The following TENM4 variants were observed in gnomAD, a reference collection of about 807,000 sequenced individuals.
The protein encoded by TENM4 is teneurin-4.
In TENM4, 82 loss-of-function variants were observed where a neutral mutation model predicts 243.3. That is an observed-to-expected ratio of 0.34 (90% confidence interval 0.28 to 0.40). The LOEUF (loss-of-function observed/expected upper bound fraction) is 0.40. Among genes scored for constraint, TENM4 ranks in the 10% least tolerant of loss-of-function variants. The probability of loss-of-function intolerance (pLI) is 1.00; values close to 1 mark genes in which losing one functional copy is unlikely to be tolerated. For synonymous variants in TENM4, 1,412 were observed against 1,456.3 expected (o/e 0.97, Z 0.69); for missense variants, 3,138 against 3,673.3 (o/e 0.85, Z 3.77).
At chr11:78,944,087 A>T (rs1181253752) in intron 6 of TENM4, among the ~76,000 whole-genome samples, 2 of 152,164 alleles carry the variant, frequency 1.3e-5, no homozygotes, top group Non-Finnish European at 2.9e-5. Context: ...TTCCTTAGAG[A>T]TAAGCAAAGT....
chr11:79,091,177 C>G (rs1860939741), intron 4 of TENM4, among the ~76,000 whole-genome samples: 1 of 152,206 alleles, frequency 6.6e-6, no homozygotes, highest in Non-Finnish European at 1.5e-5. Context: ...GCAATCAGAT[C>G]TTTGTCTAAA....
At chr11:78,844,837 A>G (rs1858353853) in intron 12 of TENM4, among the ~76,000 whole-genome samples, 1 of 152,192 alleles carries the variant, frequency 6.6e-6, no homozygotes, top group South Asian at 2.1e-4. Flanking sequence ...ATAAATTTCT[A>G]TTTTAAACCA....
intron 12 of TENM4, 32 bp downstream of exon 12, chr11:78,854,072 C>A: frequency 1.3e-6 from 2 of 1,535,566 alleles, no homozygotes; most frequent in Non-Finnish European, 1.8e-6. Context: ...GAGACAATAT[C>A]CCACAGCCCC....
At chr11:78,791,955 A>G (rs78119912) in intron 15 of TENM4, among the ~76,000 whole-genome samples, 3,256 of 152,300 alleles carry the variant, frequency 0.021, 110 homozygotes, top group African/African-American at 0.074. Flanking sequence ...TACACAAGCC[A>G]TAGAGGAGAC....
intron 25 of TENM4, among the ~76,000 whole-genome samples, chr11:78,715,237 C>T (rs1231518044): frequency 6.6e-6 from 1 of 152,222 alleles, no homozygotes; most frequent in Non-Finnish European, 1.5e-5. Context: ...ATTCTGGCTA[C>T]ATAAAAGGCG....
chr11:79,410,782 T>C (rs1019589536), intron 1 of TENM4, among the ~76,000 whole-genome samples: 2 of 152,200 alleles, frequency 1.3e-5, no homozygotes, highest in African/African-American at 4.8e-5. Flanking sequence ...GCCTGGTACG[T>C]GGTAGGCATT....
At chr11:78,811,940 C>T (rs907588554) in intron 14 of TENM4, among the ~76,000 whole-genome samples, 182 bp downstream of exon 14, 2 of 152,204 alleles carry the variant, frequency 1.3e-5, no homozygotes, top group Non-Finnish European at 2.9e-5. Flanking sequence ...ACCAGGACTC[C>T]GATGTGTTTG....
chr11:79,353,960 A>C (rs1177395300), intron 1 of TENM4, among the ~76,000 whole-genome samples: 2 of 152,186 alleles, frequency 1.3e-5, no homozygotes, highest in African/African-American at 4.8e-5. Context: ...CAAAACCCAA[A>C]ATATTTACTT....
intron 6 of TENM4, among the ~76,000 whole-genome samples, chr11:78,995,625 T>G (rs1858154816): frequency 6.6e-6 from 1 of 151,890 alleles, no homozygotes. Context: ...GATGTGCTTC[T>G]TCAGGTAAGT....
chr11:79,259,678 C>T (rs1251414182), intron 2 of TENM4, among the ~76,000 whole-genome samples: 8 of 148,388 alleles, frequency 5.4e-5, no homozygotes, highest in African/African-American at 2.1e-4. Flanking sequence ...TCCATCCATC[C>T]ATCCATCCAT....
chr11:78,672,333 G>T lies in TENM4; in HGVS notation c.5497-4C>A. The T allele has an allele frequency of 1.2e-6, 2 of 1,605,166 alleles. No homozygotes were observed. Among genetic ancestry groups the T allele is most frequent in the South Asian group, 2.2e-5 (2 of 90,700 alleles). On this transcript the variant is annotated splice_region_variant and splice_polypyrimidine_tract_variant and intron_variant, in intron 30 of 33. Transcript: ENST00000278550. ...ATAGGAGATTTCGGTTGTGAACCTG[G>T]AGAAAGGGTTGGAAGGAAAGAGAAA...
chr11:79,320,076 C>T (rs970055262), intron 1 of TENM4, among the ~76,000 whole-genome samples: 1 of 152,142 alleles, frequency 6.6e-6, no homozygotes, highest in African/African-American at 2.4e-5. Flanking sequence ...GCATGGAGAG[C>T]CCAGAGCGCA....
chr11:79,024,389 A>AG (rs888336253), intron 6 of TENM4, among the ~76,000 whole-genome samples: 7 of 151,278 alleles, frequency 4.6e-5, no homozygotes, highest in African/African-American at 9.9e-5. Flanking sequence ...TCTAGCAGAG[A>AG]GGGGGGGCAG....
chr11:78,856,051 A>G lies in TENM4; in HGVS notation c.1383T>C (p.Pro461=). The change falls in exon 11 of 34, where the codon CCT becomes CCC. Residue 461 remains proline, a synonymous_variant. Coordinates refer to ENST00000278550, the MANE Select transcript of TENM4 (RefSeq NM_001098816.3). ...FWRSQVFIDH[P]VHLKFNVSLG... Reference sequence around the variant, plus strand: ...GAGACACATTGAATTTCAGATGCACAGGATGGTCTATGAACACTTGAGATC... The same window carrying G: ...GAGACACATTGAATTTCAGATGCACGGGATGGTCTATGAACACTTGAGATC... 1 of 1,551,770 alleles carries G rather than the reference A, an allele frequency of 6.4e-7. No homozygotes were observed. Among genetic ancestry groups the G allele is most frequent in the Non-Finnish European group, 8.7e-7 (1 of 1,147,010 alleles).
rs36083983 is a variant in TENM4, at chr11:79,422,248, T to TACAC, written c.-321+18257_-321+18260dup. 1,331 of 142,706 alleles carry TACAC rather than the reference T, an allele frequency of 9.3e-3. 12 individuals are homozygous for TACAC. The highest frequency in any genetic ancestry group is 0.028 in the South Asian group (117 of 4,152). The allele number at this position is 142,706 out of a possible 1,614,324, so 8.8% of individuals were successfully genotyped here. A position where few individuals can be genotyped will look rare whatever the true frequency, so the allele number is the denominator to read the frequency against. ...CATATTAAATCACCCACATGGTTCT[T>TACAC]ACACACACACACACACACACACACA... On this transcript the variant is annotated intron_variant, in intron 1 of 33. Transcript: ENST00000278550.
rs1246306471 is a variant in TENM4, at chr11:79,070,866, C to T, written c.-65-857G>A. Among the ~76,000 whole-genome samples the T allele has an allele frequency of 6.6e-5, 10 of 152,274 alleles. No individual in the cohort carries two copies. The East Asian group carries it at 7.8e-4, about 12-fold the overall frequency. Reference sequence around the variant, plus strand: ...CCTATTCCATTCTGCCTCCCTGAGACGTCTCCCTCCTACTCTTAGTACACA... The same window carrying T: ...CCTATTCCATTCTGCCTCCCTGAGATGTCTCCCTCCTACTCTTAGTACACA... On this transcript the variant is annotated intron_variant, in intron 4 of 33. Coordinates refer to ENST00000278550, the MANE Select transcript of TENM4 (RefSeq NM_001098816.3).
At chr11:79,050,661 T>C (rs1859769051) in intron 6 of TENM4, among the ~76,000 whole-genome samples, 1 of 152,206 alleles carries the variant, frequency 6.6e-6, no homozygotes, top group Admixed American at 6.5e-5. Context: ...TGGAGGCACA[T>C]TCAGGAAAGC....
chr11:79,307,751 C>T (rs1042962233), intron 1 of TENM4, among the ~76,000 whole-genome samples: 4 of 152,196 alleles, frequency 2.6e-5, no homozygotes, highest in African/African-American at 9.7e-5. Flanking sequence ...GCTGCCTTCT[C>T]TGCAAAAGAA....
intron 17 of TENM4, among the ~76,000 whole-genome samples, chr11:78,773,795 G>A (rs1374146740): frequency 6.6e-6 from 1 of 152,208 alleles, no homozygotes; most frequent in Non-Finnish European, 1.5e-5. Context: ...GATGCTTCAG[G>A]ACAGTGAGAC....
Sources: allele counts gnomAD v4.1 joint callset (sites outside exome capture counted in the v4.1 genomes callset), GRCh38; gene constraint gnomAD v4.1.1; transcripts MANE v1.5; gene names NCBI Gene and HGNC (gene_info 2026-07-23, HGNC 2026-07-21).